Variants in MAP3K19 observed in about 807,000 individuals in gnomAD.
MAP3K19 encodes mitogen-activated protein kinase kinase kinase 19.
Under a neutral mutation model 114.4 loss-of-function variants are expected in MAP3K19, and 91 were observed. The observed-to-expected ratio is 0.80, with a 90% CI of 0.67 to 0.95. MAP3K19 has a LOEUF of 0.95. Ranked by LOEUF, MAP3K19 falls within the 40% of genes least tolerant of loss-of-function variation. The pLI is 0.00. For missense variants in MAP3K19, 1,471 were observed against 1,573.2 expected (o/e 0.94, Z 1.10); for synonymous variants, 518 against 530.5 (o/e 0.98, Z 0.32).
intron 8 of MAP3K19, among the ~76,000 whole-genome samples, chr2:134,995,211 G>A (rs1685893190): frequency 6.6e-6 from 1 of 151,804 alleles, no homozygotes; most frequent in South Asian, 2.1e-4. Context: ...AGCTACTCAG[G>A]AGGCTGAAGA....
intron 12 of MAP3K19, among the ~76,000 whole-genome samples, chr2:134,969,728 T>C (rs1176875115): frequency 6.6e-6 from 1 of 152,198 alleles, no homozygotes; most frequent in Non-Finnish European, 1.5e-5. Flanking sequence ...TGTTTCCCTA[T>C]GTTTTCTTCT....
At chr2:135,031,758 G>C (rs540456048) in intron 2 of MAP3K19, among the ~76,000 whole-genome samples, 2 of 152,310 alleles carry the variant, frequency 1.3e-5, no homozygotes, top group African/African-American at 4.8e-5. Flanking sequence ...TAGTGGCTGA[G>C]GGCATAATCT....
intron 12 of MAP3K19, among the ~76,000 whole-genome samples, chr2:134,971,188 T>C (rs1288817066): frequency 2.0e-5 from 3 of 152,246 alleles, no homozygotes; most frequent in Non-Finnish European, 4.4e-5. Flanking sequence ...ATTGTTTTTG[T>C]CCTTCATTCT....
chr2:134,986,159 T>G lies in MAP3K19; in HGVS notation c.2713A>C (p.Asn905His), dbSNP rs1484027045. 6.2e-7 allele frequency: 1 copy of G among 1,613,740 alleles called. No homozygotes were observed. Among genetic ancestry groups the G allele is most frequent in the African/African-American group, 1.3e-5 (1 of 74,922 alleles). The change falls in exon 10 of 13, where the codon AAT (asparagine) becomes CAT (histidine). Residue 905 changes from asparagine (N) to histidine (H), a missense_variant. By Grantham distance (68) the Asn-to-His change is moderately conservative. Transcript: ENST00000392915. Reference sequence around the variant, plus strand: ...TCTTGTTTTGCTTGGAAAGAGAAATTTGTAAGTGTTTTAGAGTGATCTGAA... The same window carrying G: ...TCTTGTTTTGCTTGGAAAGAGAAATGTGTAAGTGTTTTAGAGTGATCTGAA... Reference protein sequence around the residue: ...SVSDHSKTLTNFSFQAKQESA... With the variant: ...SVSDHSKTLTHFSFQAKQESA...
intron 12 of MAP3K19, among the ~76,000 whole-genome samples, chr2:134,967,334 G>A (rs915376293): frequency 5.9e-5 from 9 of 152,002 alleles, no homozygotes; most frequent in East Asian, 1.9e-4. Flanking sequence ...CCCCGAGCCC[G>A]ACACCAGTAA....
chr2:135,024,611 A>G lies in MAP3K19; in HGVS notation c.22+15T>C. 1 of 1,611,996 alleles carries G rather than the reference A, an allele frequency of 6.2e-7. No individual in the cohort carries two copies. Among genetic ancestry groups the G allele is most frequent in the Non-Finnish European group, 8.5e-7 (1 of 1,178,220 alleles). Reference sequence around the variant, plus strand: ...TTGGGTTGGGAAATTATGCATGTGGAGTGAAAGTATTTACCTGGTTTTGGC... The same window carrying G: ...TTGGGTTGGGAAATTATGCATGTGGGGTGAAAGTATTTACCTGGTTTTGGC... On this transcript the variant is annotated intron_variant, in intron 4 of 12. Transcript: ENST00000392915.
chr2:134,981,880 CTTTT>C lies in MAP3K19; in HGVS notation c.3223-366_3223-363del, dbSNP rs567597251. 0.03 allele frequency among the ~76,000 whole-genome samples: 3,774 copies of C among 124,546 alleles called. 241 individuals carry two copies. The East Asian group carries it at 0.36, about 12-fold the overall frequency. The allele number at this position is 124,546 out of a possible 152,430, so 81.7% of individuals were successfully genotyped here. A position where few individuals can be genotyped will look rare whatever the true frequency, so the allele number is the denominator to read the frequency against. Reference sequence around the variant, plus strand: ...AATACTTGCCTCAGAGATTTCTTTTCTTTTTTTTTTTTTTTTTTTTGTTTGTTTT... The same window carrying C: ...AATACTTGCCTCAGAGATTTCTTTTCTTTTTTTTTTTTTTTTGTTTGTTTT... On this transcript the variant is annotated intron_variant, in intron 11 of 12. Coordinates refer to ENST00000392915, the MANE Select transcript of MAP3K19 (RefSeq NM_025052.5).
chr2:135,026,127 C>T (rs933990854), intron 3 of MAP3K19, among the ~76,000 whole-genome samples: 9 of 152,190 alleles, frequency 5.9e-5, no homozygotes, highest in African/African-American at 2.2e-4. Context: ...TTGCCACTAC[C>T]TTGATATATG....
intron 8 of MAP3K19, among the ~76,000 whole-genome samples, chr2:134,995,956 T>TC (rs1685953965): frequency 6.6e-6 from 1 of 152,000 alleles, no homozygotes; most frequent in Non-Finnish European, 1.5e-5. Flanking sequence ...CTGTACTTTT[T>TC]TTTTTAAGAG....
At chr2:135,005,590 G>A in intron 5 of MAP3K19, 59 bp from the exon 6 acceptor site, 1 of 1,334,812 alleles carries the variant, frequency 7.5e-7, no homozygotes, top group Non-Finnish European at 1.1e-6. Flanking sequence ...CAGTTTGTTG[G>A]CAGAGTGAAT....
At chr2:135,021,294 C>G (rs1354499081) in intron 5 of MAP3K19, among the ~76,000 whole-genome samples, 1 of 152,192 alleles carries the variant, frequency 6.6e-6, no homozygotes, top group Non-Finnish European at 1.5e-5. Flanking sequence ...CTCTGTCCAT[C>G]AAGTGAGCAT....
intron 2 of MAP3K19, among the ~76,000 whole-genome samples, chr2:135,033,545 T>C (rs1459632216): frequency 2.6e-4 from 9 of 35,094 alleles, no homozygotes; most frequent in African/African-American, 4.5e-4. Context: ...GCCCCTCACC[T>C]CCCGGACGGG....
At chr2:135,016,097 A>T (rs1395275859) in intron 5 of MAP3K19, among the ~76,000 whole-genome samples, 1 of 152,038 alleles carries the variant, frequency 6.6e-6, no homozygotes, top group Non-Finnish European at 1.5e-5. Context: ...CCAAAAACAA[A>T]TTGAAAAAAA....
intron 5 of MAP3K19, among the ~76,000 whole-genome samples, chr2:135,009,885 G>T (rs1398655380): frequency 2.6e-5 from 4 of 151,664 alleles, no homozygotes; most frequent in Non-Finnish European, 4.4e-5. Flanking sequence ...AGCATAAATG[G>T]GTTAACTAAT....
chr2:135,040,599 CTG>C (rs1367300161), intron 1 of MAP3K19, 97 bp from the exon 2 acceptor site: 3 of 152,612 alleles, frequency 2.0e-5, no homozygotes, highest in Non-Finnish European at 2.9e-5. Flanking sequence ...GCCAGCAAAG[CTG>C]TGAGTGGTTC....
chr2:134,987,200 C>T lies in MAP3K19; in HGVS notation c.1672G>A (p.Gly558Ser). ...TTATGCATGGTAGGCTTAATGGGAC[C>T]TTCAGTAGAAATCACAAAATTCTGA... Reference protein sequence around the residue: ...TPQNFVISTEGPIKPTMHKTS... With the variant: ...TPQNFVISTESPIKPTMHKTS... Residue 558 changes from glycine (G) to serine (S), a missense_variant, in exon 10 of 13, where the codon GGT becomes AGT. By Grantham distance (56) the Gly-to-Ser change is moderately conservative. Transcript: ENST00000392915. 6.2e-7 allele frequency: 1 copy of T among 1,614,164 alleles called. No individual in the cohort carries two copies. Among genetic ancestry groups the T allele is most frequent in the Non-Finnish European group, 8.5e-7 (1 of 1,180,026 alleles).
chr2:135,000,114 T>A, intron 6 of MAP3K19, 99 bp from the exon 7 acceptor site: 1 of 803,912 alleles, frequency 1.2e-6, no homozygotes, highest in Non-Finnish European at 2.1e-6. Flanking sequence ...CTCTTCTTAA[T>A]GATTACAAAA....
At chr2:135,043,545 C>T (rs892353051) in intron 1 of MAP3K19, among the ~76,000 whole-genome samples, 3 of 152,170 alleles carry the variant, frequency 2.0e-5, no homozygotes, top group African/African-American at 4.8e-5. Context: ...CTACTGGCCT[C>T]GCCATCAACA....
rs955535887 is a variant in MAP3K19 at position 134,987,237 on chromosome 2, A to T, written c.1635T>A (p.Ser545Arg). 1 of 1,613,990 alleles carries T rather than the reference A, an allele frequency of 6.2e-7. No homozygotes were observed. Among genetic ancestry groups the T allele is most frequent in the African/African-American group, 1.3e-5 (1 of 74,888 alleles). ...TCACAAAATTCTGAGGTGTCTTCTT[A>T]CTTGTCTTGGTCTTTGAATCCAACT... ...RSKLDSKTKT[S>R]KKTPQNFVIS... Residue 545 changes from serine (S) to arginine (R), a missense_variant, in exon 10 of 13, where the codon AGT becomes AGA. By Grantham distance (110) the Ser-to-Arg change is moderately radical (BLOSUM62 -1). Transcript: ENST00000392915.
Sources: allele counts gnomAD v4.1 joint callset (sites outside exome capture counted in the v4.1 genomes callset), GRCh38; gene constraint gnomAD v4.1.1; transcripts MANE v1.5; gene names NCBI Gene and HGNC (gene_info 2026-07-23, HGNC 2026-07-21).